AGTPBP1: variants seen among roughly 807,000 people sequenced by gnomAD.
AGTPBP1 encodes ATP/GTP binding carboxypeptidase 1.
Under a neutral mutation model 143.9 loss-of-function variants are expected in AGTPBP1, and 70 were observed. That is an observed-to-expected ratio of 0.49 (90% CI 0.40 to 0.59). The LOEUF is 0.59. Ranked by LOEUF, AGTPBP1 falls within the 20% of genes least tolerant of loss-of-function variation. The pLI, the probability that AGTPBP1 is intolerant of heterozygous loss-of-function variation, is 0.00. For synonymous variants in AGTPBP1, 463 were observed against 500.2 expected, an observed-to-expected ratio of 0.93 and a Z score of 0.99; for missense variants, 1,229 against 1,464.5, an observed-to-expected ratio of 0.84 and a Z score of 2.62.
intron 8 of AGTPBP1, among the ~76,000 whole-genome samples, chr9:85,662,651 T>C (rs1012178903): frequency 1.3e-5 from 2 of 152,196 alleles, no homozygotes; most frequent in Admixed American, 1.3e-4. Context: ...TTTATATATG[T>C]GTTTTCTAGT....
At chr9:85,749,782 G>GTA in the AGTPBP1 span, among the ~76,000 whole-genome samples, 1 of 152,040 alleles carries the variant, frequency 6.6e-6, no homozygotes, top group South Asian at 2.1e-4. Flanking sequence ...ACAGTGCCTG[G>GTA]TACACAGTTA....
At chr9:85,751,895 C>T in the AGTPBP1 span, among the ~76,000 whole-genome samples, 1 of 151,436 alleles carries the variant, frequency 6.6e-6, no homozygotes, top group Non-Finnish European at 1.5e-5. Flanking sequence ...CATGAGCCAC[C>T]ACTCCTGGCC....
At chr9:85,563,172 C>T (rs766015165) in intron 25 of AGTPBP1, among the ~76,000 whole-genome samples, 17 of 152,142 alleles carry the variant, frequency 1.1e-4, no homozygotes, top group Non-Finnish European at 1.9e-4. Context: ...AAGACAGAAA[C>T]TGACACCAAG....
At chr9:85,721,472 C>G (rs1225860876) in intron 1 of AGTPBP1, among the ~76,000 whole-genome samples, 2 of 147,704 alleles carry the variant, frequency 1.4e-5, no homozygotes, top group Non-Finnish European at 3.0e-5. Flanking sequence ...TTATCAGAGA[C>G]TAGGATTGCA....
At chr9:85,780,557 GT>G in the AGTPBP1 span, among the ~76,000 whole-genome samples, 1 of 151,754 alleles carries the variant, frequency 6.6e-6, no homozygotes, top group Non-Finnish European at 1.5e-5. Flanking sequence ...AATGAACAGA[GT>G]TCCAAACTTG....
intron 1 of AGTPBP1, among the ~76,000 whole-genome samples, chr9:85,715,617 G>A (rs116893895): frequency 5.6e-3 from 846 of 152,290 alleles, no homozygotes; most frequent in Non-Finnish European, 9.8e-3. Flanking sequence ...CTAGGCTTAA[G>A]AGTCCCCCAG....
rs183233757 is a variant in AGTPBP1 at position 85,623,890 on chromosome 9, G to A, written c.2016-2605C>T. On this transcript the variant is annotated intron_variant, in intron 14 of 25. Coordinates refer to ENST00000357081, the MANE Select transcript of AGTPBP1 (RefSeq NM_001330701.2). Reference sequence around the variant, plus strand: ...ACCTATTGAAATACATGGCTTTCCAGTCAAAACAAATAGTCTAGGTACTCT... The same window carrying A: ...ACCTATTGAAATACATGGCTTTCCAATCAAAACAAATAGTCTAGGTACTCT... Among the ~76,000 whole-genome samples the A allele has an allele frequency of 2.0e-5, 3 of 152,150 alleles. No homozygotes were observed. In the East Asian group the frequency reaches 5.8e-4, roughly 29 times the overall value.
At chr9:85,613,910 C>T (rs1830461145) in intron 17 of AGTPBP1, among the ~76,000 whole-genome samples, 1 of 151,976 alleles carries the variant, frequency 6.6e-6, no homozygotes, top group Non-Finnish European at 1.5e-5. Context: ...CCAAGCTGAC[C>T]TATTCCTAAA....
At chr9:85,683,384 T>C (rs1835307607) in intron 3 of AGTPBP1, among the ~76,000 whole-genome samples, 2 of 152,172 alleles carry the variant, frequency 1.3e-5, no homozygotes, top group African/African-American at 2.4e-5. Flanking sequence ...TGATTTAATA[T>C]TAAAGCCAAA....
At chr9:85,685,852 T>G (rs1000254840) in intron 3 of AGTPBP1, among the ~76,000 whole-genome samples, 1 of 152,072 alleles carries the variant, frequency 6.6e-6, no homozygotes, top group Non-Finnish European at 1.5e-5. Context: ...TAGAAAAAAT[T>G]TAAGATTCTA....
At chr9:85,575,968 CT>C (rs1827872144) in intron 24 of AGTPBP1, among the ~76,000 whole-genome samples, 1 of 152,196 alleles carries the variant, frequency 6.6e-6, no homozygotes, top group Admixed American at 6.5e-5. Flanking sequence ...ATAAAGGTAA[CT>C]GTCAAAAAAA....
At chr9:85,729,837 C>T (rs549329800) in intron 1 of AGTPBP1, among the ~76,000 whole-genome samples, 2 of 152,296 alleles carry the variant, frequency 1.3e-5, no homozygotes, top group South Asian at 4.1e-4. Flanking sequence ...AATATCATCA[C>T]CTCACACCTG....
chr9:85,741,659 G>A, intron 1 of AGTPBP1, 116 bp downstream of exon 1: 5 of 1,250,778 alleles, frequency 4.0e-6, no homozygotes, highest in Non-Finnish European at 5.0e-6. Context: ...GGTAAGGGGC[G>A]CAGGGATCCG....
At chr9:85,787,462 A>T in the AGTPBP1 span, among the ~76,000 whole-genome samples, 2 of 152,000 alleles carry the variant, frequency 1.3e-5, no homozygotes, top group African/African-American at 4.8e-5. Flanking sequence ...CAAGTCTGAT[A>T]TTTTTTTCTA....
intron 24 of AGTPBP1, among the ~76,000 whole-genome samples, chr9:85,576,209 T>TGGG (rs1418921198): frequency 6.6e-6 from 1 of 152,192 alleles, no homozygotes; most frequent in Admixed American, 6.5e-5. Context: ...ACTCCTTCTT[T>TGGG]ATCATTTATT....
At chr9:85,699,472 A>G (rs1836504063) in intron 2 of AGTPBP1, among the ~76,000 whole-genome samples, 1 of 152,204 alleles carries the variant, frequency 6.6e-6, no homozygotes, top group African/African-American at 2.4e-5. Flanking sequence ...TTTCCTAAGT[A>G]AGGGCAAGGG....
At chr9:85,785,891 G>A in the AGTPBP1 span, 1 of 414,970 alleles carries the variant, frequency 2.4e-6, no homozygotes, top group Non-Finnish European at 4.3e-6. Context: ...AATTAAAGTT[G>A]TGAGTTATTC....
At chr9:85,613,266 TTAGGTAAACATACCAGAAG>T (rs1365764312) in intron 17 of AGTPBP1, among the ~76,000 whole-genome samples, 2 of 150,682 alleles carry the variant, frequency 1.3e-5, no homozygotes, top group African/African-American at 4.9e-5. Context: ...AAAAATAAAT[TTAGGTAAACATACCAGAAG>T]TTAGAAAAAG....
intron 1 of AGTPBP1, among the ~76,000 whole-genome samples, chr9:85,737,822 G>A (rs1564198927): frequency 6.6e-6 from 1 of 152,046 alleles, no homozygotes; most frequent in Non-Finnish European, 1.5e-5. Flanking sequence ...TACCAAACAA[G>A]AATGTCCACA....
Sources: gnomAD v4.1 joint callset for allele counts (sites outside exome capture counted in the v4.1 genomes callset) on GRCh38, gnomAD v4.1.1 for gene constraint, MANE v1.5 for transcripts, NCBI Gene and HGNC (gene_info 2026-07-23, HGNC 2026-07-21) for gene names.